The following CNN3 variants were observed in gnomAD, a reference collection of about 807,000 sequenced individuals.
CNN3 encodes calponin 3.
In CNN3, 11 loss-of-function variants were observed where a neutral mutation model predicts 39.0. The ratio of observed to expected loss-of-function variants is 0.28; its 90% CI spans 0.18 to 0.47. CNN3 has a LOEUF of 0.47. CNN3 is among the 20% of genes least tolerant of loss of function. The probability of loss-of-function intolerance (pLI) is 0.99; values close to 1 mark genes in which losing one functional copy is unlikely to be tolerated. For missense variants in CNN3, 266 were observed against 403.4 expected (o/e 0.66, Z 2.92); for synonymous variants, 101 against 138.3 (o/e 0.73, Z 1.89).
chr1:94,919,659 G>A (rs1014712831), intron 1 of CNN3, among the ~76,000 whole-genome samples: 15 of 152,144 alleles, frequency 9.9e-5, no homozygotes, highest in African/African-American at 3.6e-4. Context: ...GCCATAGCCC[G>A]CCCAGTGTGG....
At chr1:94,925,662 AC>A in intron 1 of CNN3, 2 of 985,232 alleles carry the variant, frequency 2.0e-6, no homozygotes, top group Non-Finnish European at 2.4e-6. Context: ...CACACCGCCT[AC>A]CCCCGCAGCC....
At chr1:94,902,995 T>C (rs1315113890) in intron 3 of CNN3, 127 bp downstream of exon 3, 5 of 644,040 alleles carry the variant, frequency 7.8e-6, no homozygotes, top group African/African-American at 3.8e-5. Context: ...ACAATGTCTA[T>C]GTAAAAACCG....
At chr1:94,902,363 G>T in intron 3 of CNN3, 105 bp from the exon 4 acceptor site, 1 of 987,950 alleles carries the variant, frequency 1.0e-6, no homozygotes, top group Non-Finnish European at 1.5e-6. Context: ...TGCCCAGAAA[G>T]CTGTTTGACA....
Position 94,926,946 on chromosome 1 carries a change from C to T in CNN3, c.-52G>A. 1.3e-6 allele frequency: 2 copies of T among 1,576,502 alleles called. No homozygotes were observed. The highest frequency in any genetic ancestry group is 2.3e-5 in the East Asian group (1 of 42,714). On this transcript the variant is annotated 5_prime_UTR_variant, in exon 1 of 7. It adds an upstream start codon to the 5' untranslated region. Coordinates refer to ENST00000370206, the MANE Select transcript of CNN3 (RefSeq NM_001839.5). This position sits in a 1 kb window ranked among gnomAD's most constrained non-coding sequence, Gnocchi z 4.2. The stretch of plus-strand genomic sequence containing the variant: ...GCGCTGGGGTCCGGGGTCTCTCGCA[C>T]TTCGCTTCCCCGCTCCTGGCCCCGA...
At position 94,915,427 on chromosome 1, in the gene CNN3, G is replaced by A. The variant is rs139579899; in HGVS notation, c.57+11411C>T. On this transcript the variant is annotated intron_variant, in intron 1 of 6. Transcript: ENST00000370206. ...AACATGGTTTCCCCTTTCCAGTCCC[G>A]AAGTCTGCAAGGATCTTATGATGAA... 1.1e-3 allele frequency among the ~76,000 whole-genome samples: 165 copies of A among 152,234 alleles called. 2 individuals carry two copies. In the East Asian group the frequency reaches 0.015, roughly 14 times the overall value.
intron 1 of CNN3, among the ~76,000 whole-genome samples, chr1:94,917,475 T>C (rs1671316260): frequency 6.6e-6 from 1 of 152,238 alleles, no homozygotes; most frequent in Non-Finnish European, 1.5e-5. Flanking sequence ...ACTCATGACT[T>C]GGTAATAAAG....
intron 1 of CNN3, among the ~76,000 whole-genome samples, chr1:94,913,805 T>C (rs1476912650): frequency 1.3e-5 from 2 of 152,122 alleles, no homozygotes; most frequent in African/African-American, 2.4e-5. Context: ...CAGGGAAATA[T>C]ATGGAGAAAT....
intron 1 of CNN3, among the ~76,000 whole-genome samples, chr1:94,914,605 G>C (rs1010069147): frequency 6.6e-6 from 1 of 152,164 alleles, no homozygotes; most frequent in Middle Eastern, 3.2e-3. Flanking sequence ...CAGCCCTTTG[G>C]GTCAGCCTTA....
In CNN3 at chr1:94,903,258, C is replaced by G. The variant is rs1336982791; in HGVS notation, c.180-70G>C. On this transcript the variant is annotated intron_variant, in intron 2 of 6. Coordinates refer to ENST00000370206, the MANE Select transcript of CNN3 (RefSeq NM_001839.5). ...AAACAAGGATTGAAATATCAAGTTG[C>G]TCCCTTTAGCATCAGTAAGGGAAAG... 2.5e-6 allele frequency: 4 copies of G among 1,572,316 alleles called. No homozygotes were observed. The African/African-American group carries it at 4.1e-5, about 16-fold the overall frequency.
At chr1:94,920,542 C>G (rs1489718517) in intron 1 of CNN3, among the ~76,000 whole-genome samples, 1 of 152,110 alleles carries the variant, frequency 6.6e-6, no homozygotes, top group East Asian at 1.9e-4. Context: ...TTATTCTAAA[C>G]ACTTTACATG....
At chr1:94,900,103 A>G (rs1363350320) in intron 5 of CNN3, among the ~76,000 whole-genome samples, 2 of 152,182 alleles carry the variant, frequency 1.3e-5, no homozygotes, top group Non-Finnish European at 2.9e-5. Flanking sequence ...GGGAAACAAT[A>G]ATTAATTTTT....
chr1:94,910,526 T>A (rs1305672029), intron 1 of CNN3, among the ~76,000 whole-genome samples: 2 of 152,166 alleles, frequency 1.3e-5, no homozygotes, highest in Non-Finnish European at 2.9e-5. Flanking sequence ...TCTTGGTATC[T>A]CATGCAAGGA....
At chr1:94,922,514 G>A (rs533154185) in intron 1 of CNN3, among the ~76,000 whole-genome samples, 2 of 152,292 alleles carry the variant, frequency 1.3e-5, no homozygotes, top group South Asian at 2.1e-4. Flanking sequence ...GGTGGGAAGA[G>A]ACAGATAATA....
At chr1:94,907,814 G>T (rs1432261884) in intron 1 of CNN3, among the ~76,000 whole-genome samples, 3 of 152,140 alleles carry the variant, frequency 2.0e-5, no homozygotes, top group South Asian at 4.1e-4. Flanking sequence ...GAGCTGAGAT[G>T]GTGCCACTGC....
chr1:94,904,749 G>A (rs1055892416), intron 1 of CNN3, among the ~76,000 whole-genome samples: 2 of 136,736 alleles, frequency 1.5e-5, no homozygotes, highest in Middle Eastern at 3.6e-3. Context: ...CCTGTCTCCC[G>A]CCCCACTGCC....
chr1:94,908,359 T>C (rs1194232903), intron 1 of CNN3, among the ~76,000 whole-genome samples: 1 of 152,184 alleles, frequency 6.6e-6, no homozygotes, highest in African/African-American at 2.4e-5. Context: ...CTCATCCTGT[T>C]GTGGTCGTGG....
intron 1 of CNN3, among the ~76,000 whole-genome samples, chr1:94,920,259 G>A (rs1178373314): frequency 6.6e-6 from 1 of 152,108 alleles, no homozygotes; most frequent in Non-Finnish European, 1.5e-5. Flanking sequence ...GCCTGGTGGT[G>A]GAGTCCTGGA....
chr1:94,909,005 A>C (rs1288867258), intron 1 of CNN3, among the ~76,000 whole-genome samples: 1 of 146,818 alleles, frequency 6.8e-6, no homozygotes, highest in Non-Finnish European at 1.5e-5. Flanking sequence ...AAAATAGGCC[A>C]GGTGGGTGGC....
intron 5 of CNN3, among the ~76,000 whole-genome samples, chr1:94,901,243 A>C (rs1394219157): frequency 6.6e-6 from 1 of 151,914 alleles, no homozygotes; most frequent in South Asian, 2.1e-4. Flanking sequence ...AATCCCAGCT[A>C]CTTGGCAGGC....
Sources: allele counts gnomAD v4.1 joint callset (sites outside exome capture counted in the v4.1 genomes callset), GRCh38; gene constraint gnomAD v4.1.1; non-coding constraint Gnocchi (gnomAD v3.1); transcripts MANE v1.5; gene names NCBI Gene and HGNC (gene_info 2026-07-23, HGNC 2026-07-21).